Variants in PAPSS1 observed in about 807,000 individuals in gnomAD.
The protein encoded by PAPSS1 is bifunctional 3'-phosphoadenosine 5'-phosphosulfate synthase 1.
PAPSS1 carries 50 observed loss-of-function variants against 72.0 expected under a neutral mutation model. The ratio of observed to expected loss-of-function variants is 0.69; its 90% CI spans 0.55 to 0.88. PAPSS1 has a LOEUF of 0.88. Among genes scored for constraint, PAPSS1 ranks in the 40% least tolerant of loss-of-function variants. The probability of loss-of-function intolerance (pLI) is 0.00; values close to 1 mark genes in which losing one functional copy is unlikely to be tolerated. For missense variants in PAPSS1, 657 were observed against 782.2 expected (o/e 0.84, Z 1.91); for synonymous variants, 261 against 263.6 (o/e 0.99, Z 0.09).
intron 1 of PAPSS1, among the ~76,000 whole-genome samples, chr4:107,713,392 G>A (rs115599565): frequency 0.015 from 2,271 of 152,178 alleles, 30 homozygotes; most frequent in Non-Finnish European, 0.022. Flanking sequence ...ACATGTAAAT[G>A]TTCTAAAATT....
At chr4:107,674,805 T>C (rs1448241419) in intron 5 of PAPSS1, among the ~76,000 whole-genome samples, 2 of 151,822 alleles carry the variant, frequency 1.3e-5, no homozygotes, top group African/African-American at 4.9e-5. Context: ...TCAGCAAATG[T>C]AAAAGAAAAG....
At chr4:107,702,885 G>A (rs141085357) in intron 1 of PAPSS1, among the ~76,000 whole-genome samples, 105 of 152,268 alleles carry the variant, frequency 6.9e-4, no homozygotes, top group African/African-American at 2.5e-3. Flanking sequence ...TAGTGGGATT[G>A]CTGGATCATA....
intron 9 of PAPSS1, among the ~76,000 whole-genome samples, chr4:107,650,261 T>C (rs1726804813): frequency 6.6e-6 from 1 of 152,254 alleles, no homozygotes; most frequent in Non-Finnish European, 1.5e-5. Context: ...TGTTGCTTAT[T>C]TGCCTCAGTA....
chr4:107,658,907 G>A (rs17037972), intron 6 of PAPSS1, among the ~76,000 whole-genome samples: 5,334 of 152,248 alleles, frequency 0.035, 288 homozygotes, highest in African/African-American at 0.12. Context: ...CCTTCCAGAT[G>A]CTCTGCCAAT....
intron 1 of PAPSS1, among the ~76,000 whole-genome samples, chr4:107,713,156 G>T (rs1436678925): frequency 6.6e-6 from 1 of 151,882 alleles, no homozygotes; most frequent in Admixed American, 6.5e-5. Flanking sequence ...CACCATGTTG[G>T]CCAGGCTAGT....
chr4:107,705,336 T>C (rs530152543), intron 1 of PAPSS1, among the ~76,000 whole-genome samples: 2 of 152,284 alleles, frequency 1.3e-5, no homozygotes, highest in African/African-American at 4.8e-5. Flanking sequence ...TGGGGGTGCT[T>C]TCACCCATGC....
At chr4:107,711,036 A>G (rs1723478592) in intron 1 of PAPSS1, among the ~76,000 whole-genome samples, 1 of 152,228 alleles carries the variant, frequency 6.6e-6, no homozygotes, top group South Asian at 2.1e-4. Context: ...GTTCTTTACA[A>G]TGAGTTACAA....
At chr4:107,705,241 T>C (rs1168961894) in intron 1 of PAPSS1, among the ~76,000 whole-genome samples, 4 of 152,202 alleles carry the variant, frequency 2.6e-5, no homozygotes, top group Non-Finnish European at 4.4e-5. Flanking sequence ...TGATATGGTT[T>C]GGCTATGTGT....
intron 5 of PAPSS1, among the ~76,000 whole-genome samples, chr4:107,669,445 T>C (rs1727413661): frequency 6.6e-6 from 1 of 152,234 alleles, no homozygotes; most frequent in South Asian, 2.1e-4. Flanking sequence ...TGAATCTATA[T>C]ATGCTCATTC....
At chr4:107,630,535 C>A (rs1203655886) in intron 11 of PAPSS1, among the ~76,000 whole-genome samples, 1 of 152,206 alleles carries the variant, frequency 6.6e-6, no homozygotes, top group Non-Finnish European at 1.5e-5. Context: ...CCATGCAGAA[C>A]CGTGAGTCAA....
At position 107,653,644 on chromosome 4, in the gene PAPSS1, T is replaced by A; in HGVS notation, c.1102-18A>T. ...ATCACCATCTAATAGGAAAAACAAATTTTTTTAATGGAAACCGAGATCAAA... is the reference window on the plus strand; with the variant it reads ...ATCACCATCTAATAGGAAAAACAAAATTTTTTAATGGAAACCGAGATCAAA... On this transcript the variant is annotated intron_variant, in intron 8 of 11. Coordinates refer to ENST00000265174, the MANE Select transcript of PAPSS1 (RefSeq NM_005443.5). The A allele has an allele frequency of 4.4e-6, 7 of 1,603,762 alleles. No homozygotes were observed. Among genetic ancestry groups the A allele is most frequent in the Non-Finnish European group, 5.1e-6 (6 of 1,174,962 alleles).
At position 107,614,351 on chromosome 4, in the gene PAPSS1, C is replaced by T; in HGVS notation, c.1773G>A (p.Met591Ile). 6.2e-7 allele frequency: 1 copy of T among 1,613,820 alleles called. No individual in the cohort carries two copies. The highest frequency in any genetic ancestry group is 8.5e-7 in the Non-Finnish European group (1 of 1,179,828). Reference protein sequence around the residue: ...EDFEFISGTRMRKLAREGQKP... With the variant: ...EDFEFISGTRIRKLAREGQKP... ...TCTGGCCTTCTCGAGCAAGTTTGCGCATTCGTGTTCCTGAAATAAATTCAA... is the reference window on the plus strand; with the variant it reads ...TCTGGCCTTCTCGAGCAAGTTTGCGTATTCGTGTTCCTGAAATAAATTCAA... Residue 591 changes from methionine to isoleucine, a missense_variant, in exon 12 of 12, where the codon ATG becomes ATA. Physicochemically the swap from Met to Ile is conservative, Grantham distance 10 (BLOSUM62 1). This residue lies in a region of PAPSS1 where 103 missense variants were observed against 93.8 expected (regional missense o/e 1.10). Transcript: ENST00000265174.
chr4:107,720,006 C>G (rs1723738730), intron 1 of PAPSS1, 114 bp downstream of exon 1: 1 of 1,513,298 alleles, frequency 6.6e-7, no homozygotes, highest in Non-Finnish European at 8.8e-7. Flanking sequence ...GAACCCACCT[C>G]CGCGCTCCTG....
chr4:107,680,234 AAAAGACCT>A (rs1727767754), intron 5 of PAPSS1, among the ~76,000 whole-genome samples: 1 of 152,284 alleles, frequency 6.6e-6, no homozygotes, highest in East Asian at 1.9e-4. Flanking sequence ...ACAGTAAGAA[AAAAGACCT>A]AAATCTACTA....
chr4:107,676,267 T>C (rs1283922383), intron 5 of PAPSS1, among the ~76,000 whole-genome samples: 2 of 152,212 alleles, frequency 1.3e-5, no homozygotes, highest in Admixed American at 6.5e-5. Context: ...GATGACATGA[T>C]TGTATATCTA....
chr4:107,655,029 A>G lies in PAPSS1; in HGVS notation c.896-129T>C, dbSNP rs915244496. The G allele has an allele frequency of 6.4e-6, 4 of 628,834 alleles. No homozygotes were observed. The African/African-American group carries it at 7.3e-5, about 12-fold the overall frequency. The allele number at this position is 628,834 out of a possible 1,614,324, so 39.0% of individuals were successfully genotyped here. ...GCTGTAGATCCAGTGACAGTATTCA[A>G]CTGGTACCTGGCACAGAAAAACGAA... is the stretch of plus-strand genomic sequence containing the variant. On this transcript the variant is annotated intron_variant, in intron 7 of 11. Coordinates refer to ENST00000265174, the MANE Select transcript of PAPSS1 (RefSeq NM_005443.5).
At chr4:107,621,502 G>A (rs1300300536) in intron 11 of PAPSS1, among the ~76,000 whole-genome samples, 4 of 151,350 alleles carry the variant, frequency 2.6e-5, no homozygotes, top group African/African-American at 7.3e-5. Context: ...TGACCTCTTA[G>A]GGGGCACTTA....
At chr4:107,625,279 T>C (rs925987590) in intron 11 of PAPSS1, among the ~76,000 whole-genome samples, 1 of 152,206 alleles carries the variant, frequency 6.6e-6, no homozygotes, top group Non-Finnish European at 1.5e-5. Context: ...ATTTTGCAGA[T>C]ACAATTAAAG....
At chr4:107,684,538 G>C (rs1722723854) in intron 4 of PAPSS1, among the ~76,000 whole-genome samples, 1 of 152,044 alleles carries the variant, frequency 6.6e-6, no homozygotes, top group Non-Finnish European at 1.5e-5. Flanking sequence ...TCTGAATGGG[G>C]ACATTTGTCA....
Sources: gnomAD v4.1 joint callset for allele counts (sites outside exome capture counted in the v4.1 genomes callset) on GRCh38, gnomAD v4.1.1 for gene constraint, gnomAD v4.1.1 regional missense constraint, MANE v1.5 for transcripts, NCBI Gene and HGNC (gene_info 2026-07-23, HGNC 2026-07-21) for gene names.